TRPM8: variants seen among roughly 807,000 people sequenced by gnomAD.
The protein encoded by TRPM8 is transient receptor potential cation channel subfamily M member 8.
In TRPM8, 110 loss-of-function variants were observed where a neutral mutation model predicts 133.7. That is an observed-to-expected ratio of 0.82 (90% CI 0.70 to 0.96). The LOEUF is 0.96. TRPM8 is among the 40% of genes least tolerant of loss of function. The probability of loss-of-function intolerance (pLI) is 0.00; values close to 1 mark genes in which losing one functional copy is unlikely to be tolerated. For missense variants in TRPM8, 1,291 were observed against 1,379.5 expected (o/e 0.94, Z 1.02); for synonymous variants, 535 against 532.3 (o/e 1.01, Z -0.07).
In TRPM8 at chr2:234,018,889, A is replaced by G. The variant is rs967544673; in HGVS notation, c.*1633A>G. ...ATAAATAAATAAATAAATATTATGG[A>G]TGGTGAAGGGAATGGTATAGAATTG... On this transcript the variant is annotated 3_prime_UTR_variant, in exon 26 of 26. Transcript: ENST00000324695. The G allele has an allele frequency of 7.1e-5, 8 of 113,368 alleles. No individual in the cohort carries two copies. The highest frequency in any genetic ancestry group is 3.2e-4 in the African/African-American group (8 of 24,816). The allele number at this position is 113,368 out of a possible 1,614,324, so 7.0% of individuals were successfully genotyped here.
At chr2:233,935,992 T>G (rs550419820) in intron 3 of TRPM8, among the ~76,000 whole-genome samples, 2 of 152,130 alleles carry the variant, frequency 1.3e-5, no homozygotes, top group South Asian at 4.2e-4. Flanking sequence ...CTGCCCTCAT[T>G]AATCATTGAT....
At chr2:233,942,346 G>C (rs1690930243) in intron 5 of TRPM8, among the ~76,000 whole-genome samples, 1 of 152,126 alleles carries the variant, frequency 6.6e-6, no homozygotes, top group East Asian at 1.9e-4. Context: ...CCAAAGTGCT[G>C]GGATTATAGG....
At position 233,974,499 on chromosome 2, in the gene TRPM8, C is replaced by T. The variant is rs541394642; in HGVS notation, c.2355+4073C>T. Among the ~76,000 whole-genome samples, 20 of 152,160 alleles carry T rather than the reference C, an allele frequency of 1.3e-4. No individual in the cohort carries two copies. The South Asian group carries it at 2.3e-3, about 17-fold the overall frequency. On this transcript the variant is annotated intron_variant, in intron 17 of 25. Coordinates refer to ENST00000324695, the MANE Select transcript of TRPM8 (RefSeq NM_024080.5). ...CACCCACCTCGGCCTCCCAAAGTGC[C>T]GGGATTATAGGTGTGAGCCACTGCG...
intron 22 of TRPM8, among the ~76,000 whole-genome samples, chr2:234,004,708 G>A (rs937698671): frequency 3.3e-5 from 5 of 152,066 alleles, no homozygotes; most frequent in African/African-American, 1.2e-4. Flanking sequence ...ATTCATTATA[G>A]GACATTTGAA....
intron 23 of TRPM8, 149 bp downstream of exon 23, chr2:234,007,101 A>G: frequency 1.7e-6 from 1 of 594,412 alleles, no homozygotes. Flanking sequence ...GCAATTGAAG[A>G]TGACAAACGC....
At chr2:233,983,458 T>A (rs1186166456) in intron 20 of TRPM8, 2 of 523,482 alleles carry the variant, frequency 3.8e-6, no homozygotes, top group African/African-American at 3.9e-5. Flanking sequence ...TTAAAAATAG[T>A]GATTCTGGTA....
At position 233,978,051 on chromosome 2, in the gene TRPM8, A is replaced by G. The variant is rs370390734; in HGVS notation, c.2356-2137A>G. On this transcript the variant is annotated intron_variant, in intron 17 of 25. Coordinates refer to ENST00000324695, the MANE Select transcript of TRPM8 (RefSeq NM_024080.5). ...TTTTGTTTGTTTTTATCCAAATGGA[A>G]TCCTACTGTGTTCATCACCTTACAA... Among the ~76,000 whole-genome samples the G allele has an allele frequency of 3.4e-4, 51 of 150,044 alleles. 1 individual carries two copies. The South Asian group carries it at 7.8e-3, about 23-fold the overall frequency.
chr2:234,006,061 T>C (rs1184545172), intron 22 of TRPM8, among the ~76,000 whole-genome samples: 3 of 152,278 alleles, frequency 2.0e-5, no homozygotes, highest in East Asian at 1.9e-4. Flanking sequence ...TAATTATTCC[T>C]AAACTCTAAC....
chr2:234,006,667 G>A (rs960716830), intron 22 of TRPM8, among the ~76,000 whole-genome samples, 186 bp from the exon 23 acceptor site: 1 of 152,288 alleles, frequency 6.6e-6, no homozygotes, highest in Admixed American at 6.5e-5. Context: ...TCATTGTTAG[G>A]AGAAAGCCAT....
intron 22 of TRPM8, among the ~76,000 whole-genome samples, chr2:233,998,060 T>G (rs1692454200): frequency 6.6e-6 from 1 of 151,794 alleles, no homozygotes. Flanking sequence ...TGTTTGGAGG[T>G]TTGGACACAA....
chr2:233,997,849 C>G (rs138125396), intron 22 of TRPM8, among the ~76,000 whole-genome samples: 1 of 152,134 alleles, frequency 6.6e-6, no homozygotes, highest in Non-Finnish European at 1.5e-5. Flanking sequence ...AGCCACCACT[C>G]CCTACCCCTG....
intron 11 of TRPM8, among the ~76,000 whole-genome samples, chr2:233,959,822 C>T (rs922295632): frequency 3.9e-5 from 6 of 152,022 alleles, no homozygotes; most frequent in Admixed American, 3.3e-4. Flanking sequence ...TGCTCTGTCA[C>T]CCAGGCTGGA....
rs199707448 is a variant in TRPM8 at position 233,964,620 on chromosome 2, C to G, written c.1750-8C>G. 1 of 1,540,758 alleles carries G rather than the reference C, an allele frequency of 6.5e-7. No homozygotes were observed. The highest frequency in any genetic ancestry group is 1.3e-5 in the South Asian group (1 of 78,990). On this transcript the variant is annotated splice_region_variant and splice_polypyrimidine_tract_variant and intron_variant, in intron 13 of 25. Coordinates refer to ENST00000324695, the MANE Select transcript of TRPM8 (RefSeq NM_024080.5). ...ATTAACCTTAAAATTCTTCACCCCC[C>G]TAAAAAGACCAGGGGCTGCACTCTG...
intron 21 of TRPM8, among the ~76,000 whole-genome samples, chr2:233,987,436 T>C (rs1692172926): frequency 1.3e-5 from 2 of 152,166 alleles, no homozygotes; most frequent in African/African-American, 2.4e-5. Context: ...AATAGAGCCC[T>C]GAGATTCCAA....
At chr2:233,963,232 C>T in intron 12 of TRPM8, 50 bp from the exon 13 acceptor site, 2 of 1,343,594 alleles carry the variant, frequency 1.5e-6, no homozygotes, top group Non-Finnish European at 1.1e-6. Flanking sequence ...CTTCCTGATC[C>T]CAGAACAGTT....
At chr2:234,011,667 C>T (rs1692840301) in intron 24 of TRPM8, among the ~76,000 whole-genome samples, 1 of 151,714 alleles carries the variant, frequency 6.6e-6, no homozygotes, top group East Asian at 1.9e-4. Flanking sequence ...GCCTGTAATC[C>T]CAGCACTTTG....
chr2:234,004,039 C>A (rs113854484), intron 22 of TRPM8, among the ~76,000 whole-genome samples: 2 of 152,080 alleles, frequency 1.3e-5, no homozygotes, highest in Non-Finnish European at 2.9e-5. Flanking sequence ...GGAAACAAAT[C>A]CCCCAATTTG....
At chr2:234,003,315 G>A (rs1296221141) in intron 22 of TRPM8, among the ~76,000 whole-genome samples, 2 of 152,148 alleles carry the variant, frequency 1.3e-5, no homozygotes. Context: ...TGTCATTAAC[G>A]ATCACACATA....
intron 17 of TRPM8, among the ~76,000 whole-genome samples, chr2:233,972,766 G>C (rs940580959): frequency 6.6e-6 from 1 of 152,158 alleles, no homozygotes; most frequent in Non-Finnish European, 1.5e-5. Context: ...CTCCCAGTGC[G>C]GGGCCCGCCA....
Sources: gnomAD v4.1 joint callset for allele counts (sites outside exome capture counted in the v4.1 genomes callset) on GRCh38, gnomAD v4.1.1 for gene constraint, MANE v1.5 for transcripts, NCBI Gene and HGNC (gene_info 2026-07-23, HGNC 2026-07-21) for gene names.